MEGF9: variants seen among roughly 807,000 people sequenced by gnomAD.
MEGF9 encodes the protein multiple epidermal growth factor-like domains protein 9.
A neutral mutation model predicts 46.8 loss-of-function variants in MEGF9; 6 were observed. That is an observed-to-expected ratio of 0.13 (90% CI 0.07 to 0.25). The LOEUF (loss-of-function observed/expected upper bound fraction) is 0.25, where lower values mean the gene tolerates loss of function less well. MEGF9 is among the 10% of genes least tolerant of loss of function. The probability of loss-of-function intolerance (pLI) is 1.00; values close to 1 mark genes in which losing one functional copy is unlikely to be tolerated. For missense variants in MEGF9, 683 were observed against 792.4 expected (o/e 0.86, Z 1.66); for synonymous variants, 302 against 330.7 (o/e 0.91, Z 0.94).
At chr9:120,622,395 C>T (rs924382170) in intron 3 of MEGF9, among the ~76,000 whole-genome samples, 1 of 149,526 alleles carries the variant, frequency 6.7e-6, no homozygotes, top group East Asian at 1.9e-4. Context: ...CTATAGTTCT[C>T]CTTGCCTCCA....
intron 1 of MEGF9, 141 bp downstream of exon 1, chr9:120,713,617 G>T: frequency 8.6e-7 from 1 of 1,162,312 alleles, no homozygotes; most frequent in Non-Finnish European, 1.1e-6. Flanking sequence ...GAGACTAGCT[G>T]GACCTGGGAT....
chr9:120,709,404 C>T (rs1193177770), intron 1 of MEGF9, among the ~76,000 whole-genome samples: 4 of 150,258 alleles, frequency 2.7e-5, no homozygotes, highest in Non-Finnish European at 5.9e-5. Context: ...CAGAGTGGAA[C>T]TCCATCTCAA....
At chr9:120,620,304 C>T (rs2043493227) in intron 3 of MEGF9, among the ~76,000 whole-genome samples, 1 of 152,102 alleles carries the variant, frequency 6.6e-6, no homozygotes, top group African/African-American at 2.4e-5. Flanking sequence ...TGAAGTATTC[C>T]TGTTGTTACT....
At chr9:120,677,930 G>A (rs958994168) in intron 1 of MEGF9, among the ~76,000 whole-genome samples, 3 of 151,908 alleles carry the variant, frequency 2.0e-5, no homozygotes, top group Admixed American at 6.6e-5. Flanking sequence ...TGCAACCCCC[G>A]ACTACTCTTC....
At chr9:120,615,663 T>C (rs889206625) in intron 3 of MEGF9, among the ~76,000 whole-genome samples, 1 of 151,870 alleles carries the variant, frequency 6.6e-6, no homozygotes, top group East Asian at 2.0e-4. Flanking sequence ...GGGAGGTCAA[T>C]GCAGGTGGAT....
intron 1 of MEGF9, among the ~76,000 whole-genome samples, chr9:120,705,080 A>G (rs1330227627): frequency 6.6e-6 from 1 of 152,136 alleles, no homozygotes; most frequent in Non-Finnish European, 1.5e-5. Flanking sequence ...CATAAGTTGG[A>G]CAATAAAGAA....
At chr9:120,685,134 G>A (rs533774843) in intron 1 of MEGF9, among the ~76,000 whole-genome samples, 40 of 152,152 alleles carry the variant, frequency 2.6e-4, no homozygotes, top group Middle Eastern at 3.4e-3. Context: ...ACACCCGGCC[G>A]GGAGGCTTCA....
At chr9:120,620,824 G>C (rs1182782557) in intron 3 of MEGF9, among the ~76,000 whole-genome samples, 1 of 150,684 alleles carries the variant, frequency 6.6e-6, no homozygotes, top group Non-Finnish European at 1.5e-5. Flanking sequence ...GATAAAACTG[G>C]CAAATAGGCA....
chr9:120,695,622 A>C (rs2043872996), intron 1 of MEGF9, among the ~76,000 whole-genome samples: 1 of 150,978 alleles, frequency 6.6e-6, no homozygotes, highest in Non-Finnish European at 1.5e-5. Flanking sequence ...AAAAAAAAAA[A>C]AAAAAAAGCA....
At chr9:120,690,099 G>C (rs999082571) in intron 1 of MEGF9, 35 of 433,668 alleles carry the variant, frequency 8.1e-5, no homozygotes, top group African/African-American at 6.6e-4. Flanking sequence ...CAGTTGGAAA[G>C]CCCAGGGGAA....
At chr9:120,607,702 T>C in intron 5 of MEGF9, 39 bp downstream of exon 5, 1 of 1,597,970 alleles carries the variant, frequency 6.3e-7, no homozygotes, top group Non-Finnish European at 8.6e-7. Flanking sequence ...ACTGCTAGTT[T>C]TAGATATTAA....
intron 2 of MEGF9, among the ~76,000 whole-genome samples, chr9:120,638,080 C>T (rs2043586621): frequency 6.6e-6 from 1 of 152,054 alleles, no homozygotes; most frequent in Non-Finnish European, 1.5e-5. Flanking sequence ...GCAGCCTTGA[C>T]CTACTGAGCT....
intron 1 of MEGF9, among the ~76,000 whole-genome samples, chr9:120,708,604 A>T (rs1354077803): frequency 6.6e-6 from 1 of 152,188 alleles, no homozygotes; most frequent in Non-Finnish European, 1.5e-5. Context: ...GACCCTTTAA[A>T]ACTAATCTAA....
intron 2 of MEGF9, among the ~76,000 whole-genome samples, chr9:120,649,934 A>G (rs971883218): frequency 1.3e-5 from 2 of 152,186 alleles, no homozygotes; most frequent in African/African-American, 4.8e-5. Flanking sequence ...GTCTAAAATG[A>G]TGCACCTTGT....
rs112981093 is a variant in MEGF9 at position 120,615,844 on chromosome 9, T to C, written c.944-3305A>G. On this transcript the variant is annotated intron_variant, in intron 3 of 5. Coordinates refer to ENST00000373930, the MANE Select transcript of MEGF9 (RefSeq NM_001080497.3). Reference sequence around the variant, plus strand: ...GGAAGGTTGAGGCTGTAGTGAGCTATGATCATGCCACTGCACTCCAGCCCG... The same window carrying C: ...GGAAGGTTGAGGCTGTAGTGAGCTACGATCATGCCACTGCACTCCAGCCCG... Among the ~76,000 whole-genome samples, 684 of 152,086 alleles carry C rather than the reference T, an allele frequency of 4.5e-3. 5 individuals are homozygous for C. The highest frequency in any genetic ancestry group is 0.016 in the African/African-American group (647 of 41,506).
chr9:120,638,153 G>A (rs115027356), intron 2 of MEGF9, among the ~76,000 whole-genome samples: 2,983 of 152,112 alleles, frequency 0.02, 111 homozygotes, highest in African/African-American at 0.069. Flanking sequence ...GCTGCCACAC[G>A]TGGCTAATGT....
intron 2 of MEGF9, among the ~76,000 whole-genome samples, chr9:120,650,273 T>G (rs1168991713): frequency 6.6e-6 from 1 of 152,212 alleles, no homozygotes; most frequent in African/African-American, 2.4e-5. Context: ...TGATAACATT[T>G]TAAGAACTAT....
chr9:120,666,093 T>C (rs1369715724), intron 1 of MEGF9, among the ~76,000 whole-genome samples: 1 of 152,202 alleles, frequency 6.6e-6, no homozygotes, highest in African/African-American at 2.4e-5. Context: ...CATATGAATT[T>C]TAGGGTTTTT....
intron 2 of MEGF9, among the ~76,000 whole-genome samples, chr9:120,642,557 T>A (rs1471359271): frequency 6.6e-6 from 1 of 152,252 alleles, no homozygotes; most frequent in African/African-American, 2.4e-5. Flanking sequence ...GTTCAATGAA[T>A]GTTAATTTCC....
Sources: allele counts gnomAD v4.1 joint callset (sites outside exome capture counted in the v4.1 genomes callset), GRCh38; gene constraint gnomAD v4.1.1; transcripts MANE v1.5; gene names NCBI Gene and HGNC (gene_info 2026-07-23, HGNC 2026-07-21).